Variants in LUZP2 observed in about 807,000 individuals in gnomAD.
The protein encoded by LUZP2 is leucine zipper protein 2.
Under a neutral mutation model 51.6 loss-of-function variants are expected in LUZP2, and 52 were observed. The observed-to-expected ratio is 1.01, with a 90% confidence interval of 0.81 to 1.27. The LOEUF (loss-of-function observed/expected upper bound fraction) is 1.27, where lower values mean the gene tolerates loss of function less well. Ranked by LOEUF, LUZP2 falls within the 50% of genes most tolerant of loss-of-function variation. The pLI is 0.00. For synonymous variants in LUZP2, 154 were observed against 137.3 expected (o/e 1.12, Z -0.85); for missense variants, 436 against 395.4 (o/e 1.10, Z -0.87).
intron 9 of LUZP2, among the ~76,000 whole-genome samples, chr11:25,013,145 C>G (rs1484571457): frequency 1.3e-5 from 2 of 152,194 alleles, no homozygotes; most frequent in Middle Eastern, 6.8e-3. Flanking sequence ...ATTGCATGTT[C>G]TCCCTTATAT....
intron 1 of LUZP2, among the ~76,000 whole-genome samples, chr11:24,514,893 C>G (rs1850417684): frequency 6.6e-6 from 1 of 152,138 alleles, no homozygotes; most frequent in Non-Finnish European, 1.5e-5. Flanking sequence ...GGTTCAGGAT[C>G]AAGCTCTTTA....
chr11:24,833,810 A>G (rs1009840401), intron 5 of LUZP2, among the ~76,000 whole-genome samples: 4 of 150,180 alleles, frequency 2.7e-5, no homozygotes, highest in African/African-American at 5.0e-5. Flanking sequence ...ATGTATTCAG[A>G]GGAAAAGGTT....
chr11:24,873,959 T>A (rs1257086545), intron 5 of LUZP2, among the ~76,000 whole-genome samples: 1 of 145,918 alleles, frequency 6.9e-6, no homozygotes, highest in Non-Finnish European at 1.5e-5. Flanking sequence ...CTCTAACACC[T>A]GACAGGGATT....
At chr11:24,788,613 T>A (rs1849316009) in intron 5 of LUZP2, among the ~76,000 whole-genome samples, 2 of 152,162 alleles carry the variant, frequency 1.3e-5, no homozygotes, top group Non-Finnish European at 2.9e-5. Flanking sequence ...CCAAAACAAC[T>A]GGAAATATAT....
intron 10 of LUZP2, among the ~76,000 whole-genome samples, chr11:25,067,968 T>C (rs897007097): frequency 1.3e-5 from 2 of 152,206 alleles, no homozygotes; most frequent in African/African-American, 4.8e-5. Context: ...ATATGCACCA[T>C]GGAATACTAT....
intron 5 of LUZP2, among the ~76,000 whole-genome samples, chr11:24,830,226 C>T (rs1850658307): frequency 6.6e-6 from 1 of 152,194 alleles, no homozygotes; most frequent in Non-Finnish European, 1.5e-5. Context: ...TTATATTTCA[C>T]ATTTAAAGCA....
intron 9 of LUZP2, among the ~76,000 whole-genome samples, chr11:25,018,570 T>C (rs774579950): frequency 2.6e-5 from 4 of 151,692 alleles, no homozygotes; most frequent in African/African-American, 4.8e-5. Context: ...CTTTGAGCTA[T>C]AATATAATAC....
chr11:24,945,168 C>G (rs1854864347), intron 7 of LUZP2, among the ~76,000 whole-genome samples: 1 of 152,138 alleles, frequency 6.6e-6, no homozygotes, highest in African/African-American at 2.4e-5. Flanking sequence ...AATTGGATGT[C>G]AAAATGCATC....
chr11:25,068,109 G>T (rs1859048657), intron 10 of LUZP2, among the ~76,000 whole-genome samples: 4 of 151,934 alleles, frequency 2.6e-5, no homozygotes. Context: ...AGTGGAAGTT[G>T]AACAATGAGA....
At chr11:24,716,672 G>T (rs12287319) in intron 1 of LUZP2, among the ~76,000 whole-genome samples, 2 of 152,114 alleles carry the variant, frequency 1.3e-5, no homozygotes, top group African/African-American at 4.8e-5. Context: ...CAAGGCGGAC[G>T]GATCACCTGA....
intron 7 of LUZP2, among the ~76,000 whole-genome samples, chr11:24,965,396 A>G (rs1399841468): frequency 1.3e-5 from 2 of 151,364 alleles, no homozygotes; most frequent in African/African-American, 4.8e-5. Context: ...TTCATATTCA[A>G]AGCTTCTCTG....
At chr11:24,921,104 A>G (rs1427677736) in intron 7 of LUZP2, among the ~76,000 whole-genome samples, 1 of 152,118 alleles carries the variant, frequency 6.6e-6, no homozygotes, top group Non-Finnish European at 1.5e-5. Flanking sequence ...TCCCACTGAT[A>G]GGATTAACGA....
chr11:24,553,287 CAAAT>C (rs946340141), intron 1 of LUZP2, among the ~76,000 whole-genome samples: 8 of 151,766 alleles, frequency 5.3e-5, no homozygotes, highest in African/African-American at 1.9e-4. Flanking sequence ...TATATGAAGA[CAAAT>C]AACACCGAAT....
At chr11:24,820,248 A>G (rs1850319237) in intron 5 of LUZP2, among the ~76,000 whole-genome samples, 1 of 152,146 alleles carries the variant, frequency 6.6e-6, no homozygotes, top group Non-Finnish European at 1.5e-5. Context: ...TGTCATAGGC[A>G]CTCACAGGAG....
chr11:24,979,322 T>A (rs752192191), intron 8 of LUZP2, among the ~76,000 whole-genome samples: 6 of 151,790 alleles, frequency 4.0e-5, no homozygotes, highest in Non-Finnish European at 7.4e-5. Context: ...AAATCTCATG[T>A]AAGATACATA....
chr11:24,610,434 A>G (rs752839084), intron 1 of LUZP2, among the ~76,000 whole-genome samples: 6 of 152,230 alleles, frequency 3.9e-5, no homozygotes, highest in Non-Finnish European at 8.8e-5. Flanking sequence ...TTTTCCGTTA[A>G]GGAACTGTGA....
chr11:24,594,353 A>G (rs1255145965), intron 1 of LUZP2, among the ~76,000 whole-genome samples: 5 of 152,218 alleles, frequency 3.3e-5, no homozygotes, highest in Non-Finnish European at 5.9e-5. Context: ...AAACTCAGGC[A>G]GTGTACTATC....
intron 5 of LUZP2, among the ~76,000 whole-genome samples, chr11:24,856,710 T>C (rs1406085177): frequency 6.6e-6 from 1 of 151,976 alleles, no homozygotes; most frequent in African/African-American, 2.4e-5. Flanking sequence ...ATAAAGAAAA[T>C]GTGTTATGTA....
At chr11:24,920,455 A>C (rs887986692) in intron 7 of LUZP2, among the ~76,000 whole-genome samples, 2 of 152,056 alleles carry the variant, frequency 1.3e-5, no homozygotes, top group South Asian at 4.1e-4. Context: ...CTACTCCCCC[A>C]AAAAGAAATA....
Sources: allele counts gnomAD v4.1 joint callset (sites outside exome capture counted in the v4.1 genomes callset), GRCh38; gene constraint gnomAD v4.1.1; transcripts MANE v1.5; gene names NCBI Gene and HGNC (gene_info 2026-07-23, HGNC 2026-07-21).